The following SRGAP3 variants were observed in gnomAD, a reference collection of about 807,000 sequenced individuals.
The protein encoded by SRGAP3 is SLIT-ROBO Rho GTPase activating protein 3.
SRGAP3 carries 39 observed loss-of-function variants against 121.1 expected under a neutral mutation model. The observed-to-expected ratio is 0.32, with a 90% confidence interval of 0.25 to 0.42. The LOEUF (loss-of-function observed/expected upper bound fraction) is 0.42, where lower values mean the gene tolerates loss of function less well. Ranked by LOEUF, SRGAP3 falls within the 10% of genes least tolerant of loss-of-function variation. The probability of loss-of-function intolerance (pLI) is 1.00; values close to 1 mark genes in which losing one functional copy is unlikely to be tolerated. For synonymous variants in SRGAP3, 601 were observed against 570.0 expected (o/e 1.05, Z -0.77); for missense variants, 1,213 against 1,470.6 (o/e 0.82, Z 2.86).
At chr3:9,006,111 A>G (rs1943056410) in intron 18 of SRGAP3, among the ~76,000 whole-genome samples, 2 of 152,092 alleles carry the variant, frequency 1.3e-5, no homozygotes, top group South Asian at 4.1e-4. Flanking sequence ...TTCTTATGAA[A>G]AGGAGTGGGC....
At chr3:9,240,291 GA>G (rs1331634811) in intron 1 of SRGAP3, among the ~76,000 whole-genome samples, 2 of 152,180 alleles carry the variant, frequency 1.3e-5, no homozygotes, top group Non-Finnish European at 2.9e-5. Flanking sequence ...CATCAGGAAT[GA>G]ATATTTTCCA....
At chr3:9,134,469 A>C (rs1949570355) in intron 1 of SRGAP3, among the ~76,000 whole-genome samples, 1 of 152,092 alleles carries the variant, frequency 6.6e-6, no homozygotes, top group Admixed American at 6.5e-5. Context: ...TCTACGCACA[A>C]TCACATCTGA....
chr3:9,147,739 C>T (rs1042390402), intron 1 of SRGAP3, among the ~76,000 whole-genome samples: 2 of 152,166 alleles, frequency 1.3e-5, no homozygotes, highest in Non-Finnish European at 2.9e-5. Context: ...TGCATTCTGG[C>T]CCAGGTGTTT....
intron 18 of SRGAP3, chr3:9,008,431 T>C (rs991196243): frequency 4.8e-5 from 7 of 146,742 alleles, no homozygotes; most frequent in African/African-American, 1.6e-4. Context: ...GGAGAGGAAA[T>C]GACAGGAGTA....
chr3:9,047,257 G>A, intron 10 of SRGAP3, 134 bp downstream of exon 10: 1 of 881,046 alleles, frequency 1.1e-6, no homozygotes, highest in Admixed American at 2.0e-5. Flanking sequence ...AGCCTGCCCA[G>A]TCCTGGTAAG....
chr3:9,328,788 G>T (rs1955558146), intron 2 of SRGAP3, among the ~76,000 whole-genome samples: 1 of 152,180 alleles, frequency 6.6e-6, no homozygotes, highest in Non-Finnish European at 1.5e-5. Context: ...CTACAGCGTG[G>T]GGTAGTCTCC....
intron 1 of SRGAP3, among the ~76,000 whole-genome samples, chr3:9,164,783 T>C (rs899814194): frequency 6.6e-6 from 1 of 152,240 alleles, no homozygotes; most frequent in Non-Finnish European, 1.5e-5. Context: ...TAGCCTCTAC[T>C]ACTGTCGGCG....
At chr3:9,229,068 CAAAAAAAAA>C (rs61231273) in intron 1 of SRGAP3, among the ~76,000 whole-genome samples, 2 of 74,090 alleles carry the variant, frequency 2.7e-5, no homozygotes, top group Non-Finnish European at 5.4e-5. Context: ...GACTCCGTCT[CAAAAAAAAA>C]AAAAAAAAAA....
chr3:9,231,362 T>C (rs1041290344), intron 1 of SRGAP3, among the ~76,000 whole-genome samples: 3 of 152,216 alleles, frequency 2.0e-5, no homozygotes, highest in African/African-American at 7.2e-5. Context: ...CATTTGGCAG[T>C]AATGAGGATG....
chr3:9,201,695 A>G (rs527929702), intron 1 of SRGAP3, among the ~76,000 whole-genome samples: 3 of 152,354 alleles, frequency 2.0e-5, no homozygotes, highest in African/African-American at 7.2e-5. Context: ...GGGAGAGTAC[A>G]CTGACATCAA....
intron 1 of SRGAP3, among the ~76,000 whole-genome samples, chr3:9,341,503 C>G (rs906145140): frequency 6.6e-6 from 1 of 152,184 alleles, no homozygotes; most frequent in South Asian, 2.1e-4. Context: ...TGGAAGAATA[C>G]TGGAGATCAG....
At chr3:9,000,485 C>T (rs368032934) in intron 18 of SRGAP3, among the ~76,000 whole-genome samples, 12 of 152,150 alleles carry the variant, frequency 7.9e-5, no homozygotes, top group Non-Finnish European at 7.3e-5. Flanking sequence ...AGAACCATCC[C>T]GTAAAACAGA....
intron 1 of SRGAP3, among the ~76,000 whole-genome samples, chr3:9,184,779 G>A (rs769353386): frequency 3.3e-5 from 5 of 152,130 alleles, no homozygotes; most frequent in Non-Finnish European, 5.9e-5. Context: ...AGTCCAGCCT[G>A]GCTCCTTATC....
intron 1 of SRGAP3, among the ~76,000 whole-genome samples, chr3:9,360,453 A>G (rs549569251): frequency 3.3e-5 from 5 of 152,220 alleles, no homozygotes; most frequent in Non-Finnish European, 7.4e-5. Flanking sequence ...ATTGGTGAGT[A>G]ATGTGTTCTA....
intron 18 of SRGAP3, 49 bp downstream of exon 18, chr3:9,010,259 T>C (rs1313425224): frequency 1.9e-6 from 3 of 1,608,274 alleles, no homozygotes; most frequent in Non-Finnish European, 2.6e-6. Context: ...AAAGTCAGTG[T>C]GAGAGGCCCC....
At chr3:9,153,401 A>C (rs943452182) in intron 1 of SRGAP3, among the ~76,000 whole-genome samples, 1 of 152,186 alleles carries the variant, frequency 6.6e-6, no homozygotes, top group Non-Finnish European at 1.5e-5. Context: ...TATAGAGAAA[A>C]AAACCTGAGG....
At chr3:9,123,295 T>C (rs1036071763) in intron 2 of SRGAP3, among the ~76,000 whole-genome samples, 1 of 152,118 alleles carries the variant, frequency 6.6e-6, no homozygotes, top group Non-Finnish European at 1.5e-5. Context: ...TGAATGTGTT[T>C]AGTGCCACTG....
intron 1 of SRGAP3, among the ~76,000 whole-genome samples, chr3:9,177,037 T>C (rs970115312): frequency 2.0e-5 from 3 of 152,190 alleles, no homozygotes; most frequent in Admixed American, 6.5e-5. Context: ...GATTTTCCTA[T>C]TTTTTCTATC....
In SRGAP3 at chr3:9,063,524, A is replaced by G. The variant is rs146430171; in HGVS notation, c.672+872T>C. On this transcript the variant is annotated intron_variant, in intron 5 of 21. Transcript: ENST00000383836. The stretch of plus-strand genomic sequence containing the variant: ...TTTGCCTTTTTTTTTTCATAAATAG[A>G]GATGGAATTTTGCCATTTTACCCAG... Among the ~76,000 whole-genome samples, 379 of 151,520 alleles carry G rather than the reference A, an allele frequency of 2.5e-3. 4 individuals carry two copies. The highest frequency in any genetic ancestry group is 8.8e-3 in the African/African-American group (363 of 41,276).
Sources: gnomAD v4.1 joint callset for allele counts (sites outside exome capture counted in the v4.1 genomes callset) on GRCh38, gnomAD v4.1.1 for gene constraint, MANE v1.5 for transcripts, NCBI Gene and HGNC (gene_info 2026-07-23, HGNC 2026-07-21) for gene names.